The following CSMD1 variants were observed in gnomAD, a reference collection of about 807,000 sequenced individuals.
CSMD1 encodes the protein CUB and Sushi multiple domains 1, also known as CUB and sushi domain-containing protein 1.
CSMD1 carries 213 observed loss-of-function variants against 417.5 expected under a neutral mutation model. That is an observed-to-expected ratio of 0.51 (90% confidence interval 0.46 to 0.57). The LOEUF is 0.57. CSMD1 is among the 20% of genes least tolerant of loss of function. The probability of loss-of-function intolerance (pLI) is 0.00; values close to 1 mark genes in which losing one functional copy is unlikely to be tolerated. For missense variants in CSMD1, 6,923 were observed against 4,529.7 expected, an observed-to-expected ratio of 1.53 and a Z score of -15.17; for synonymous variants, 2,862 against 1,736.8, an observed-to-expected ratio of 1.65 and a Z score of -16.11.
At chr8:3,380,799 G>A (rs1000944590) in intron 18 of CSMD1, among the ~76,000 whole-genome samples, 1 of 151,918 alleles carries the variant, frequency 6.6e-6, no homozygotes, top group East Asian at 1.9e-4. Context: ...TAGATGATGG[G>A]TTGTTGGGTG....
chr8:3,554,242 G>C (rs748704805), intron 10 of CSMD1, among the ~76,000 whole-genome samples: 17 of 152,224 alleles, frequency 1.1e-4, no homozygotes, highest in Non-Finnish European at 1.8e-4. Flanking sequence ...ACAGTGAAAA[G>C]ACAAGCTGAT....
At chr8:3,094,748 A>G (rs919078370) in intron 47 of CSMD1, among the ~76,000 whole-genome samples, 3 of 150,604 alleles carry the variant, frequency 2.0e-5, no homozygotes, top group African/African-American at 7.3e-5. Flanking sequence ...TAAAATCAAT[A>G]TATTCAACAT....
At chr8:4,408,568 C>T (rs1796469411) in intron 3 of CSMD1, among the ~76,000 whole-genome samples, 1 of 152,118 alleles carries the variant, frequency 6.6e-6, no homozygotes, top group African/African-American at 2.4e-5. Flanking sequence ...CTCTGATTTG[C>T]ACCAATGAAT....
At chr8:3,771,544 T>C (rs1798576275) in intron 5 of CSMD1, among the ~76,000 whole-genome samples, 1 of 152,162 alleles carries the variant, frequency 6.6e-6, no homozygotes, top group Non-Finnish European at 1.5e-5. Context: ...CTGGATAGCA[T>C]CACCATTGCA....
chr8:4,618,841 C>T (rs1279655781), intron 2 of CSMD1, among the ~76,000 whole-genome samples: 5 of 152,110 alleles, frequency 3.3e-5, no homozygotes, highest in Non-Finnish European at 7.4e-5. Flanking sequence ...TCTTACCTTA[C>T]TTTTAATGTG....
chr8:3,901,062 G>A (rs569896795), intron 5 of CSMD1, among the ~76,000 whole-genome samples: 128 of 152,228 alleles, frequency 8.4e-4, no homozygotes, highest in African/African-American at 2.9e-3. Flanking sequence ...TAACGATTTT[G>A]TAGTAAAGAA....
At chr8:3,561,687 G>C (rs531130743) in intron 10 of CSMD1, among the ~76,000 whole-genome samples, 42 of 152,308 alleles carry the variant, frequency 2.8e-4, no homozygotes, top group African/African-American at 8.9e-4. Context: ...TGATATTCAG[G>C]TGATGGGTGT....
In CSMD1 at chr8:4,510,520, G is replaced by A. The variant is rs114796442; in HGVS notation, c.303-90455C>T. 7.9e-3 allele frequency among the ~76,000 whole-genome samples: 1,186 copies of A among 150,548 alleles called. 20 individuals are homozygous for A. The highest frequency in any genetic ancestry group is 0.028 in the African/African-American group (1,130 of 40,896). ...ATAATAATTAGCTTCATGAACTTAG[G>A]TGAGTCTCTTCCCTACTCAAAGCAA... On this transcript the variant is annotated intron_variant, in intron 2 of 69. Coordinates refer to ENST00000635120, the MANE Select transcript of CSMD1 (RefSeq NM_033225.6).
intron 1 of CSMD1, among the ~76,000 whole-genome samples, chr8:4,933,404 G>C (rs978993953): frequency 6.6e-6 from 1 of 152,070 alleles, no homozygotes; most frequent in African/African-American, 2.4e-5. Context: ...ACCTTATGGG[G>C]AAAAAAGTCA....
intron 11 of CSMD1, among the ~76,000 whole-genome samples, chr8:3,477,968 T>A (rs1402891768): frequency 1.3e-5 from 2 of 152,234 alleles, no homozygotes; most frequent in Admixed American, 1.3e-4. Context: ...AGTGCTTTCA[T>A]TGAATAAATA....
At chr8:4,652,727 G>C (rs1202611595) in intron 1 of CSMD1, among the ~76,000 whole-genome samples, 1 of 152,140 alleles carries the variant, frequency 6.6e-6, no homozygotes, top group Non-Finnish European at 1.5e-5. Context: ...AAGCTCTAGA[G>C]CAGCAGTCTC....
intron 41 of CSMD1, among the ~76,000 whole-genome samples, chr8:3,123,647 G>A (rs767599032): frequency 1.3e-5 from 2 of 152,078 alleles, no homozygotes; most frequent in East Asian, 1.9e-4. Flanking sequence ...GGTTTCTAGA[G>A]GAGGAGAAGC....
intron 10 of CSMD1, among the ~76,000 whole-genome samples, chr8:3,511,967 T>C (rs73503626): frequency 0.35 from 51,529 of 148,114 alleles, 9,635 homozygotes; most frequent in Non-Finnish European, 0.39. Flanking sequence ...CCTGCAGTTT[T>C]ACAGTCACAG....
chr8:3,965,309 T>C (rs1033176136), intron 5 of CSMD1, among the ~76,000 whole-genome samples: 5 of 152,184 alleles, frequency 3.3e-5, no homozygotes, highest in African/African-American at 4.8e-5. Flanking sequence ...GTTTCTGAAA[T>C]GCTACCATGA....
At chr8:3,819,080 T>G (rs541001762) in intron 5 of CSMD1, among the ~76,000 whole-genome samples, 1 of 152,272 alleles carries the variant, frequency 6.6e-6, no homozygotes, top group South Asian at 2.1e-4. Flanking sequence ...CTTCATAGCT[T>G]AAGGCAGAGT....
chr8:3,594,166 A>C (rs1429223292), intron 8 of CSMD1, among the ~76,000 whole-genome samples: 1 of 152,148 alleles, frequency 6.6e-6, no homozygotes, highest in African/African-American at 2.4e-5. Flanking sequence ...TGCCCGACCT[A>C]CAGGGGTTTG....
At chr8:3,379,273 C>T (rs773601490) in intron 18 of CSMD1, among the ~76,000 whole-genome samples, 2 of 152,160 alleles carry the variant, frequency 1.3e-5, no homozygotes, top group Non-Finnish European at 2.9e-5. Context: ...AAAAAACATT[C>T]CATGCTCATG....
In CSMD1 at chr8:4,295,936, A is replaced by G. The variant is rs113448270; in HGVS notation, c.415+124017T>C. 1.2e-3 allele frequency among the ~76,000 whole-genome samples: 184 copies of G among 151,884 alleles called. 1 individual carries two copies. Among genetic ancestry groups the G allele is most frequent in the African/African-American group, 4.2e-3 (175 of 41,464 alleles). ...ATTACTCCCATCTCAGGAACACAGCATGTCCCAGACTCACTCTGTAGAACA... is the reference window on the plus strand; with the variant it reads ...ATTACTCCCATCTCAGGAACACAGCGTGTCCCAGACTCACTCTGTAGAACA... On this transcript the variant is annotated intron_variant, in intron 3 of 69. Transcript: ENST00000635120.
chr8:4,165,393 T>G (rs1048309070), intron 3 of CSMD1, among the ~76,000 whole-genome samples: 14 of 152,342 alleles, frequency 9.2e-5, no homozygotes, highest in Middle Eastern at 3.4e-3. Flanking sequence ...AGATGTGCCA[T>G]TTGTAGAAAA....
Sources: allele counts gnomAD v4.1 joint callset (sites outside exome capture counted in the v4.1 genomes callset), GRCh38; gene constraint gnomAD v4.1.1; transcripts MANE v1.5; gene names NCBI Gene and HGNC (gene_info 2026-07-23, HGNC 2026-07-21).